The following SLCO2A1 variants were observed in gnomAD, a reference collection of about 807,000 sequenced individuals.
The protein encoded by SLCO2A1 is solute carrier organic anion transporter family member 2A1.
A neutral mutation model predicts 71.7 loss-of-function variants in SLCO2A1; 60 were observed. That is an observed-to-expected ratio of 0.84 (90% CI 0.68 to 1.04). SLCO2A1 has a LOEUF of 1.04. Ranked by LOEUF, SLCO2A1 falls within the 50% of genes least tolerant of loss-of-function variation. The pLI is 0.00. For missense variants in SLCO2A1, 745 were observed against 813.4 expected (o/e 0.92, Z 1.02); for synonymous variants, 308 against 326.7 (o/e 0.94, Z 0.62).
At chr3:133,945,041 G>C in intron 10 of SLCO2A1, 54 bp downstream of exon 10, 1 of 1,562,650 alleles carries the variant, frequency 6.4e-7, no homozygotes, top group Non-Finnish European at 8.7e-7. Flanking sequence ...GGCATGCGCT[G>C]AGCTCCGAGA....
At chr3:133,947,582 T>A in intron 8 of SLCO2A1, 137 bp from the exon 9 acceptor site, 1 of 705,440 alleles carries the variant, frequency 1.4e-6, no homozygotes, top group Non-Finnish European at 2.3e-6. Flanking sequence ...GTAATCGAAG[T>A]AGCTGACATT....
chr3:134,016,878 A>C (rs1272378457), intron 1 of SLCO2A1, among the ~76,000 whole-genome samples: 1 of 152,254 alleles, frequency 6.6e-6, no homozygotes, highest in Non-Finnish European at 1.5e-5. Flanking sequence ...ATTGATACAC[A>C]AAACAACTTG....
intron 13 of SLCO2A1, 104 bp downstream of exon 13, chr3:133,935,670 C>T: frequency 7.4e-7 from 1 of 1,352,158 alleles, no homozygotes; most frequent in Non-Finnish European, 9.8e-7. Flanking sequence ...ATGTTCTCTT[C>T]CTTGGAAGCC....
chr3:133,966,506 A>G (rs1934173565), intron 3 of SLCO2A1, among the ~76,000 whole-genome samples: 2 of 152,210 alleles, frequency 1.3e-5, no homozygotes, highest in African/African-American at 4.8e-5. Flanking sequence ...AGAGGCCAGG[A>G]AGGAGCTCTC....
intron 1 of SLCO2A1, among the ~76,000 whole-genome samples, chr3:134,012,041 C>T (rs1935356590): frequency 6.6e-6 from 1 of 152,180 alleles, no homozygotes; most frequent in Non-Finnish European, 1.5e-5. Flanking sequence ...GCCTGAGACA[C>T]TCACATGAGT....
At chr3:134,005,273 A>T (rs1274507657) in intron 1 of SLCO2A1, among the ~76,000 whole-genome samples, 1 of 152,094 alleles carries the variant, frequency 6.6e-6, no homozygotes, top group Non-Finnish European at 1.5e-5. Context: ...AAACATTCTT[A>T]TCTGTTATTA....
At chr3:133,999,383 C>T (rs1935053256) in intron 1 of SLCO2A1, among the ~76,000 whole-genome samples, 1 of 152,292 alleles carries the variant, frequency 6.6e-6, no homozygotes, top group East Asian at 1.9e-4. Flanking sequence ...TGTATTATTG[C>T]TAATTTTGCC....
At chr3:133,983,021 C>T (rs1934629372) in intron 1 of SLCO2A1, among the ~76,000 whole-genome samples, 1 of 152,146 alleles carries the variant, frequency 6.6e-6, no homozygotes, top group Admixed American at 6.5e-5. Context: ...GATGGCCACA[C>T]CAATCTCTCC....
intron 3 of SLCO2A1, among the ~76,000 whole-genome samples, chr3:133,958,367 G>A (rs146297895): frequency 3.9e-5 from 6 of 152,330 alleles, no homozygotes; most frequent in African/African-American, 1.4e-4. Context: ...GGTGGATCTG[G>A]TGGGCAGAGT....
chr3:133,948,822 C>T, intron 7 of SLCO2A1, 71 bp downstream of exon 7: 4 of 1,591,898 alleles, frequency 2.5e-6, no homozygotes, highest in Non-Finnish European at 3.4e-6. Flanking sequence ...ACCACAGGGG[C>T]TGGGGTCCCC....
intron 3 of SLCO2A1, among the ~76,000 whole-genome samples, chr3:133,965,166 A>G (rs1049266664): frequency 6.6e-6 from 1 of 152,210 alleles, no homozygotes; most frequent in African/African-American, 2.4e-5. Context: ...TGAGCTCATC[A>G]AAAGCCAGTC....
Position 133,973,649 on chromosome 3 carries a change from T to C in SLCO2A1, c.397+14A>G. 6.2e-7 allele frequency: 1 copy of C among 1,613,092 alleles called. No homozygotes were observed. Among genetic ancestry groups the C allele is most frequent in the South Asian group, 1.1e-5 (1 of 90,942 alleles). On this transcript the variant is annotated intron_variant, in intron 3 of 13. Transcript: ENST00000310926. ...ATTCCTTACCCCTTGAGGCAGGGGT[T>C]GGAAGCCACTCACCAGTGCTGGCCA...
intron 10 of SLCO2A1, 152 bp from the exon 11 acceptor site, chr3:133,942,920 GC>G: frequency 1.3e-6 from 1 of 770,822 alleles, no homozygotes; most frequent in Non-Finnish European, 1.9e-6. Flanking sequence ...TGAGCCTGGG[GC>G]CAGGTGAGGG....
intron 1 of SLCO2A1, among the ~76,000 whole-genome samples, chr3:133,986,610 A>G (rs1360273936): frequency 1.3e-5 from 2 of 152,232 alleles, no homozygotes; most frequent in African/African-American, 4.8e-5. Context: ...AGAGGAAGGA[A>G]GCGGGGAAAC....
chr3:133,956,566 C>G (rs1933903163), intron 3 of SLCO2A1, among the ~76,000 whole-genome samples: 2 of 152,234 alleles, frequency 1.3e-5, no homozygotes, highest in African/African-American at 4.8e-5. Context: ...TGGAAGGAAG[C>G]ATCCTGGCAA....
At chr3:133,991,136 C>T (rs1401716544) in intron 1 of SLCO2A1, among the ~76,000 whole-genome samples, 1 of 151,756 alleles carries the variant, frequency 6.6e-6, no homozygotes, top group African/African-American at 2.4e-5. Flanking sequence ...AAAAAACAAG[C>T]AAAAAACAAA....
intron 1 of SLCO2A1, among the ~76,000 whole-genome samples, chr3:134,017,304 G>A (rs979720748): frequency 2.6e-5 from 4 of 152,304 alleles, no homozygotes; most frequent in Admixed American, 1.3e-4. Context: ...CTATGAATCT[G>A]TAATTGCTAT....
intron 11 of SLCO2A1, among the ~76,000 whole-genome samples, chr3:133,941,546 G>C (rs958758848): frequency 1.3e-5 from 2 of 151,978 alleles, no homozygotes; most frequent in African/African-American, 2.4e-5. Context: ...GGACAGGAGG[G>C]AGGGCAGTGG....
chr3:133,988,132 C>G (rs1295780346), intron 1 of SLCO2A1, among the ~76,000 whole-genome samples: 1 of 152,208 alleles, frequency 6.6e-6, no homozygotes, highest in Non-Finnish European at 1.5e-5. Flanking sequence ...CTGTTTCAGG[C>G]CATGACAGGA....
Sources: gnomAD v4.1 joint callset for allele counts (sites outside exome capture counted in the v4.1 genomes callset) on GRCh38, gnomAD v4.1.1 for gene constraint, MANE v1.5 for transcripts, NCBI Gene and HGNC (gene_info 2026-07-23, HGNC 2026-07-21) for gene names.